Variants in TTC17 observed in about 807,000 individuals in gnomAD.
TTC17 encodes the protein tetratricopeptide repeat protein 17.
Under a neutral mutation model 143.8 loss-of-function variants are expected in TTC17, and 58 were observed. The ratio of observed to expected loss-of-function variants is 0.40; its 90% confidence interval spans 0.33 to 0.50. The LOEUF is 0.50. Among genes scored for constraint, TTC17 ranks in the 20% least tolerant of loss-of-function variants. The probability of loss-of-function intolerance (pLI) is 0.49; values close to 1 mark genes in which losing one functional copy is unlikely to be tolerated. For synonymous variants in TTC17, 501 were observed against 497.8 expected (o/e 1.01, Z -0.09); for missense variants, 1,273 against 1,392.5 (o/e 0.91, Z 1.37).
At chr11:43,427,253 C>T (rs1947050239) in intron 16 of TTC17, among the ~76,000 whole-genome samples, 1 of 152,158 alleles carries the variant, frequency 6.6e-6, no homozygotes, top group Non-Finnish European at 1.5e-5. Context: ...AGATGGTAAA[C>T]ACTAAGGGTT....
intron 2 of TTC17, among the ~76,000 whole-genome samples, chr11:43,386,654 C>G (rs1857179986): frequency 6.6e-6 from 1 of 152,038 alleles, no homozygotes; most frequent in Admixed American, 6.6e-5. Flanking sequence ...CTTCAAATGA[C>G]AAAATTAAAA....
rs1007431395 is a variant in TTC17, at chr11:43,490,100, A to G, written c.3031-139A>G. 6.8e-6 allele frequency: 8 copies of G among 1,172,514 alleles called. No homozygotes were observed. The East Asian group carries it at 1.8e-4, about 26-fold the overall frequency. The allele number at this position is 1,172,514 out of a possible 1,614,324, so 72.6% of individuals were successfully genotyped here. A position where few individuals can be genotyped will look rare whatever the true frequency, so the allele number is the denominator to read the frequency against. On this transcript the variant is annotated intron_variant, in intron 21 of 23. Transcript: ENST00000039989. ...TAAGGATTAATGAAGGACAGGTGGA[A>G]CAGAAAGTGCTGAGCAGAGTGCCAG...
At chr11:43,419,711 C>T (rs1306932861) in intron 16 of TTC17, among the ~76,000 whole-genome samples, 1 of 152,126 alleles carries the variant, frequency 6.6e-6, no homozygotes, top group Admixed American at 6.6e-5. Flanking sequence ...GGCAGGGTCT[C>T]ACTGTGTTGC....
chr11:43,489,822 T>C (rs1948442125), intron 21 of TTC17: 1 of 152,180 alleles, frequency 6.6e-6, no homozygotes, highest in Non-Finnish European at 1.5e-5. Context: ...TTAAAAATAA[T>C]GTTTACTTGT....
rs528203173 is a variant in TTC17, at chr11:43,446,651, C to A, written c.2666-1351C>A. On this transcript the variant is annotated intron_variant, in intron 18 of 23. Coordinates refer to ENST00000039989, the MANE Select transcript of TTC17 (RefSeq NM_018259.6). ...GTTTTGTTAAAATCTCAATCTAAAC[C>A]CCTGCCTGTACCTCAAACAGTTTTC... The A allele has an allele frequency of 3.0e-6, 3 of 984,764 alleles. No individual in the cohort carries two copies. The East Asian group carries it at 3.4e-4, about 112-fold the overall frequency. 61.0% of individuals were successfully genotyped at this position (984,764 alleles called of 1,614,324 possible).
chr11:43,402,541 A>G (rs892469633), intron 10 of TTC17, among the ~76,000 whole-genome samples: 2 of 152,144 alleles, frequency 1.3e-5, no homozygotes, highest in African/African-American at 4.8e-5. Flanking sequence ...AATAAGTGGT[A>G]CAGACAGCAA....
At chr11:43,381,111 G>T (rs919015739) in intron 2 of TTC17, among the ~76,000 whole-genome samples, 2 of 152,106 alleles carry the variant, frequency 1.3e-5, no homozygotes, top group African/African-American at 4.8e-5. Context: ...CAGTGAAAAT[G>T]AAATGAAAAA....
chr11:43,488,494 A>G (rs1411037993), intron 21 of TTC17, among the ~76,000 whole-genome samples: 1 of 150,736 alleles, frequency 6.6e-6, no homozygotes, highest in Non-Finnish European at 1.5e-5. Context: ...ATATTACTTT[A>G]TATATAGTAA....
At chr11:43,489,525 G>T (rs1948435699) in intron 21 of TTC17, among the ~76,000 whole-genome samples, 1 of 152,118 alleles carries the variant, frequency 6.6e-6, no homozygotes, top group African/African-American at 2.4e-5. Flanking sequence ...ATCACCTGAG[G>T]TCATGAGTTC....
intron 18 of TTC17, chr11:43,447,564 ACAG>A (rs1313070241): frequency 1.2e-5 from 2 of 164,572 alleles, no homozygotes; most frequent in African/African-American, 4.8e-5. Flanking sequence ...AATGCACAGG[ACAG>A]GTCCCTCAAA....
At chr11:43,426,920 G>A (rs766973350) in intron 16 of TTC17, among the ~76,000 whole-genome samples, 4 of 152,172 alleles carry the variant, frequency 2.6e-5, no homozygotes, top group Non-Finnish European at 5.9e-5. Context: ...TGCTCTCAAG[G>A]AGCTAGGAGA....
rs1363429745 is a variant in TTC17 at position 43,405,758 on chromosome 11, T to A, written c.1596-28T>A. Reference sequence around the variant, plus strand: ...TGAAGTCACCCAAACTTTGAAAATATGAATCTTGTTCCTTTTTCTTGTGCC... The same window carrying A: ...TGAAGTCACCCAAACTTTGAAAATAAGAATCTTGTTCCTTTTTCTTGTGCC... On this transcript the variant is annotated intron_variant, in intron 12 of 23. Coordinates refer to ENST00000039989, the MANE Select transcript of TTC17 (RefSeq NM_018259.6). 1.9e-6 allele frequency: 3 copies of A among 1,612,614 alleles called. No individual in the cohort carries two copies. The African/African-American group carries it at 4.0e-5, about 22-fold the overall frequency.
In TTC17 at chr11:43,389,636, A is replaced by T; in HGVS notation, c.250-16A>T. The stretch of plus-strand genomic sequence containing the variant: ...TATTAGAAGAATCCATTCTGTTCTT[A>T]CTTTCTTCTCAACAGAAACAATTAG... On this transcript the variant is annotated splice_polypyrimidine_tract_variant and intron_variant, in intron 2 of 23. Transcript: ENST00000039989. 4.4e-6 allele frequency: 7 copies of T among 1,597,854 alleles called. No individual in the cohort carries two copies. Among genetic ancestry groups the T allele is most frequent in the Non-Finnish European group, 6.0e-6 (7 of 1,173,952 alleles).
In TTC17 at chr11:43,396,832, T is replaced by C. The variant is rs757142508; in HGVS notation, c.773+14T>C. 1.3e-6 allele frequency: 2 copies of C among 1,539,576 alleles called. No homozygotes were observed. The highest frequency in any genetic ancestry group is 8.9e-7 in the Non-Finnish European group (1 of 1,117,848). ...CTTCTCTTCCAGGTAAGATTCCTCCTCTTCTGGACCTGATTTTCCACATTC... is the reference window on the plus strand; with the variant it reads ...CTTCTCTTCCAGGTAAGATTCCTCCCCTTCTGGACCTGATTTTCCACATTC... On this transcript the variant is annotated intron_variant, in intron 6 of 23. Coordinates refer to ENST00000039989, the MANE Select transcript of TTC17 (RefSeq NM_018259.6).
intron 1 of TTC17, among the ~76,000 whole-genome samples, chr11:43,376,613 G>A (rs538482172): frequency 1.3e-3 from 204 of 152,214 alleles, no homozygotes; most frequent in African/African-American, 4.7e-3. Flanking sequence ...TGGACTTACA[G>A]CAGCCTCTTT....
chr11:43,406,186 G>A lies in TTC17; in HGVS notation c.1761+235G>A, dbSNP rs559032642. Among the ~76,000 whole-genome samples the A allele has an allele frequency of 3.3e-5, 5 of 152,254 alleles. No homozygotes were observed. The South Asian group carries it at 6.2e-4, about 19-fold the overall frequency. On this transcript the variant is annotated intron_variant, in intron 13 of 23. Coordinates refer to ENST00000039989, the MANE Select transcript of TTC17 (RefSeq NM_018259.6). The stretch of plus-strand genomic sequence containing the variant: ...ATCACCTAAACACTATTCCTCTAAC[G>A]CAGAGCACTTCAAAGATGAGTAGCA...
chr11:43,388,737 G>T (rs1050552581), intron 2 of TTC17, among the ~76,000 whole-genome samples: 1 of 151,668 alleles, frequency 6.6e-6, no homozygotes, highest in African/African-American at 2.4e-5. Context: ...ACTCTGTGAG[G>T]CCAAGGCAGG....
intron 21 of TTC17, among the ~76,000 whole-genome samples, chr11:43,452,217 C>T (rs79783362): frequency 6.6e-6 from 1 of 152,006 alleles, no homozygotes; most frequent in African/African-American, 2.4e-5. Flanking sequence ...AAAAGAAAAC[C>T]GGTCGGGCCC....
At chr11:43,367,714 C>CTGTGTG (rs3083209) in intron 1 of TTC17, among the ~76,000 whole-genome samples, 165 of 147,188 alleles carry the variant, frequency 1.1e-3, no homozygotes, top group Admixed American at 3.2e-3. Flanking sequence ...AGGGGAATGT[C>CTGTGTG]TGTGTGTGTG....
Sources: allele counts gnomAD v4.1 joint callset (sites outside exome capture counted in the v4.1 genomes callset), GRCh38; gene constraint gnomAD v4.1.1; transcripts MANE v1.5; gene names NCBI Gene and HGNC (gene_info 2026-07-23, HGNC 2026-07-21).